PXDNL: variants seen among roughly 807,000 people sequenced by gnomAD.
PXDNL encodes the protein probable oxidoreductase PXDNL.
Under a neutral mutation model 150.8 loss-of-function variants are expected in PXDNL, and 145 were observed. The observed-to-expected ratio is 0.96, with a 90% CI of 0.84 to 1.10. The LOEUF is 1.10. Ranked by LOEUF, PXDNL falls within the 50% of genes least tolerant of loss-of-function variation. The pLI is 0.00. For missense variants in PXDNL, 2,087 were observed against 1,873.9 expected (o/e 1.11, Z -2.10); for synonymous variants, 757 against 725.7 (o/e 1.04, Z -0.69).
chr8:51,657,693 T>C (rs1456062714), intron 1 of PXDNL, among the ~76,000 whole-genome samples: 1 of 152,218 alleles, frequency 6.6e-6, no homozygotes, highest in Non-Finnish European at 1.5e-5. Context: ...TACAAAATGA[T>C]GCCATTGCAA....
chr8:51,326,786 G>A (rs1462942976), intron 21 of PXDNL, among the ~76,000 whole-genome samples: 1 of 152,046 alleles, frequency 6.6e-6, no homozygotes, highest in East Asian at 1.9e-4. Flanking sequence ...CCTGCTTGGG[G>A]TTGAGCTGCA....
intron 2 of PXDNL, among the ~76,000 whole-genome samples, chr8:51,633,772 G>C (rs1263368824): frequency 6.6e-6 from 1 of 152,116 alleles, no homozygotes; most frequent in Non-Finnish European, 1.5e-5. Context: ...TTGGCCGCTT[G>C]TATGTCTTTC....
intron 20 of PXDNL, 53 bp from the exon 21 acceptor site, chr8:51,339,806 AT>A (rs1805937259): frequency 6.5e-7 from 1 of 1,539,784 alleles, no homozygotes; most frequent in South Asian, 1.2e-5. Flanking sequence ...TCGTGTGAGA[AT>A]TTTAAAATAT....
chr8:51,466,042 A>C (rs1810198084), intron 8 of PXDNL, among the ~76,000 whole-genome samples: 1 of 152,174 alleles, frequency 6.6e-6, no homozygotes, highest in Non-Finnish European at 1.5e-5. Flanking sequence ...TTTAGAAAAA[A>C]AAAACCTATT....
intron 4 of PXDNL, among the ~76,000 whole-genome samples, chr8:51,510,933 A>G (rs1811402652): frequency 6.6e-6 from 1 of 152,130 alleles, no homozygotes; most frequent in Non-Finnish European, 1.5e-5. Context: ...CAGTGCTGCA[A>G]TTTAGGGTCA....
Position 51,392,305 on chromosome 8 carries a change from G to A in PXDNL, c.3557+15762C>T, listed in dbSNP as rs563944276. 5.0e-3 allele frequency among the ~76,000 whole-genome samples: 755 copies of A among 151,690 alleles called. 12 individuals carry two copies. The highest frequency in any genetic ancestry group is 0.017 in the African/African-American group (705 of 41,052). On this transcript the variant is annotated intron_variant, in intron 17 of 22. Coordinates refer to ENST00000356297, the MANE Select transcript of PXDNL (RefSeq NM_144651.5). ...TCATTGGTAGCTTGATGGGGATGGC[G>A]TTGAATCTATAAATTACCTTGAGCA...
chr8:51,603,026 T>A (rs1254214325), intron 2 of PXDNL, among the ~76,000 whole-genome samples: 2 of 151,792 alleles, frequency 1.3e-5, no homozygotes, highest in African/African-American at 4.8e-5. Context: ...TTTTCCAAAT[T>A]ATTTACATAT....
intron 19 of PXDNL, among the ~76,000 whole-genome samples, chr8:51,347,878 C>T (rs371124251): frequency 1.7e-4 from 26 of 151,762 alleles, no homozygotes; most frequent in East Asian, 7.7e-4. Context: ...TAATTAATAA[C>T]GCATAAATAT....
At chr8:51,736,914 T>C (rs1280621326) in intron 1 of PXDNL, among the ~76,000 whole-genome samples, 1 of 152,216 alleles carries the variant, frequency 6.6e-6, no homozygotes, top group African/African-American at 2.4e-5. Context: ...AGTTTTAAGG[T>C]TGACATTTTT....
In PXDNL at chr8:51,639,924, A is replaced by C. The variant is rs573629551; in HGVS notation, c.236+14765T>G. ...AAAAAAGAGAATTTTAGACCAATATACTTGATGAACATTGACGCAAAAATC... is the reference window on the plus strand; with the variant it reads ...AAAAAAGAGAATTTTAGACCAATATCCTTGATGAACATTGACGCAAAAATC... On this transcript the variant is annotated intron_variant, in intron 2 of 22. Transcript: ENST00000356297. Among the ~76,000 whole-genome samples the C allele has an allele frequency of 8.0e-4, 121 of 152,166 alleles. 1 individual carries two copies. The highest frequency in any genetic ancestry group is 1.1e-3 in the Non-Finnish European group (77 of 67,974).
In PXDNL at chr8:51,585,063, C is replaced by A. The variant is rs115859931; in HGVS notation, c.308+7564G>T. 7.4e-4 allele frequency among the ~76,000 whole-genome samples: 113 copies of A among 152,076 alleles called. 1 individual carries two copies. The highest frequency in any genetic ancestry group is 2.7e-3 in the African/African-American group (110 of 41,466). Reference sequence around the variant, plus strand: ...AGCAGGAGAGAAAATGTGAGAAGGCCAATATGATGCACAGATATTTAGTTT... The same window carrying A: ...AGCAGGAGAGAAAATGTGAGAAGGCAAATATGATGCACAGATATTTAGTTT... On this transcript the variant is annotated intron_variant, in intron 3 of 22. Coordinates refer to ENST00000356297, the MANE Select transcript of PXDNL (RefSeq NM_144651.5).
chr8:51,618,579 C>G (rs549333176), intron 2 of PXDNL, among the ~76,000 whole-genome samples: 1 of 152,148 alleles, frequency 6.6e-6, no homozygotes, highest in African/African-American at 2.4e-5. Context: ...TAGGAGGCCT[C>G]GCAATAAAAG....
intron 3 of PXDNL, among the ~76,000 whole-genome samples, chr8:51,582,833 GT>G (rs1398688951): frequency 6.6e-6 from 1 of 151,680 alleles, no homozygotes; most frequent in African/African-American, 2.4e-5. Flanking sequence ...GACGGCCTAG[GT>G]TTATACTCTA....
intron 12 of PXDNL, chr8:51,436,278 A>G: frequency 2.0e-6 from 1 of 497,660 alleles, no homozygotes; most frequent in Non-Finnish European, 4.1e-6. Context: ...TCATAGAAGA[A>G]GGTGTTGCTC....
intron 14 of PXDNL, among the ~76,000 whole-genome samples, chr8:51,413,961 G>A (rs1024944440): frequency 6.6e-6 from 1 of 152,018 alleles, no homozygotes; most frequent in Non-Finnish European, 1.5e-5. Flanking sequence ...GATACTAAAA[G>A]TACAGTAACA....
chr8:51,706,140 T>A (rs7387633), intron 1 of PXDNL, among the ~76,000 whole-genome samples: 3 of 152,210 alleles, frequency 2.0e-5, no homozygotes, highest in South Asian at 2.1e-4. Context: ...GTGAAACCCC[T>A]TCTCTACTAA....
chr8:51,372,151 G>A (rs1046628182), intron 18 of PXDNL, 70 bp from the exon 19 acceptor site: 3 of 1,105,150 alleles, frequency 2.7e-6, no homozygotes, highest in African/African-American at 1.6e-5. Flanking sequence ...ATGTCAAACA[G>A]CCACAATGCA....
intron 1 of PXDNL, among the ~76,000 whole-genome samples, chr8:51,784,528 A>T (rs1158520869): frequency 6.6e-6 from 1 of 152,228 alleles, no homozygotes; most frequent in East Asian, 1.9e-4. Context: ...TTAAATAGAA[A>T]ATATAATAGT....
intron 1 of PXDNL, among the ~76,000 whole-genome samples, chr8:51,783,206 C>T (rs539308956): frequency 1.2e-4 from 19 of 152,280 alleles, no homozygotes; most frequent in African/African-American, 3.4e-4. Flanking sequence ...CAATTGGTGC[C>T]TTGAAACCAG....
Sources: gnomAD v4.1 joint callset for allele counts (sites outside exome capture counted in the v4.1 genomes callset) on GRCh38, gnomAD v4.1.1 for gene constraint, MANE v1.5 for transcripts, NCBI Gene and HGNC (gene_info 2026-07-23, HGNC 2026-07-21) for gene names.